Variants in LMX1B observed in about 807,000 individuals in gnomAD.
LMX1B encodes LIM homeobox transcription factor 1-beta.
Under a neutral mutation model 51.4 loss-of-function variants are expected in LMX1B, and 12 were observed. That is an observed-to-expected ratio of 0.23 (90% CI 0.15 to 0.38). The LOEUF (loss-of-function observed/expected upper bound fraction) is 0.38. Ranked by LOEUF, LMX1B falls within the 10% of genes least tolerant of loss-of-function variation. The pLI, the probability that LMX1B is intolerant of heterozygous loss-of-function variation, is 1.00. For missense variants in LMX1B, 445 were observed against 571.1 expected, an observed-to-expected ratio of 0.78 and a Z score of 2.25; for synonymous variants, 237 against 235.4, an observed-to-expected ratio of 1.01 and a Z score of -0.06.
In LMX1B at chr9:126,693,720, C is replaced by T. The variant is rs377439489; in HGVS notation, c.820-26C>T. The T allele has an allele frequency of 7.8e-4, 1,225 of 1,568,588 alleles. 2 individuals are homozygous for T. Among genetic ancestry groups the T allele is most frequent in the Non-Finnish European group, 9.5e-4 (1,100 of 1,157,724 alleles). The stretch of plus-strand genomic sequence containing the variant: ...TGTGCCTGGGGGCGAGGGGCAGCAC[C>T]GGCCTGAACTGCGCTCTCCCTGCAG... On this transcript the variant is annotated intron_variant, in intron 5 of 7. Coordinates refer to ENST00000373474, the MANE Select transcript of LMX1B (RefSeq NM_001174147.2).
At chr9:126,651,635 C>A (rs904266197) in intron 2 of LMX1B, among the ~76,000 whole-genome samples, 2 of 152,162 alleles carry the variant, frequency 1.3e-5, no homozygotes, top group African/African-American at 2.4e-5. Flanking sequence ...TGACCCCTCT[C>A]CCCTGGGCCC....
At chr9:126,652,675 A>C (rs1225429584) in intron 2 of LMX1B, among the ~76,000 whole-genome samples, 1 of 152,194 alleles carries the variant, frequency 6.6e-6, no homozygotes, top group Admixed American at 6.5e-5. Flanking sequence ...AGGGACTCAG[A>C]TCTGGGCCTG....
At chr9:126,634,368 C>T (rs1474364456) in intron 2 of LMX1B, among the ~76,000 whole-genome samples, 3 of 152,200 alleles carry the variant, frequency 2.0e-5, no homozygotes, top group Admixed American at 6.5e-5. Flanking sequence ...ACAGGCATTC[C>T]AGAAATACAT....
At position 126,695,829 on chromosome 9, in the gene LMX1B, G is replaced by T. The variant is rs2030306213; in HGVS notation, c.887-10G>T. On this transcript the variant is annotated splice_polypyrimidine_tract_variant and intron_variant, in intron 6 of 7. Coordinates refer to ENST00000373474, the MANE Select transcript of LMX1B (RefSeq NM_001174147.2). The surrounding 1 kb of genome is among the most constrained non-coding windows in gnomAD (Gnocchi z 5.2). Reference sequence around the variant, plus strand: ...CCAGGCCAGGGGGTGAAGGCTCACTGTGCCCCCAGAGGTCCTGTCCAGCCG... The same window carrying T: ...CCAGGCCAGGGGGTGAAGGCTCACTTTGCCCCCAGAGGTCCTGTCCAGCCG... The T allele has an allele frequency of 6.2e-7, 1 of 1,612,286 alleles. No homozygotes were observed. Among genetic ancestry groups the T allele is most frequent in the Admixed American group, 1.7e-5 (1 of 59,920 alleles).
rs1223615138 is a variant in LMX1B, at chr9:126,615,945, T to C, written c.326+376T>C. The stretch of plus-strand genomic sequence containing the variant: ...TTTTAGGGAGCCAGGCCTGGCGGAC[T>C]GCTTCAAGGGCCTGGTGTGTGGGGG... On this transcript the variant is annotated intron_variant, in intron 2 of 7. Transcript: ENST00000373474. The surrounding 1 kb of genome is among the most constrained non-coding windows in gnomAD (Gnocchi z 6.0). Among the ~76,000 whole-genome samples the C allele has an allele frequency of 1.3e-5, 2 of 152,194 alleles. No individual in the cohort carries two copies. Among genetic ancestry groups the C allele is most frequent in the Admixed American group, 1.3e-4 (2 of 15,288 alleles).
At chr9:126,629,837 A>G (rs1588268226) in intron 2 of LMX1B, among the ~76,000 whole-genome samples, 2 of 151,770 alleles carry the variant, frequency 1.3e-5, no homozygotes, top group African/African-American at 4.8e-5. Flanking sequence ...CTAGATCTTG[A>G]TGAGACTTCC....
At chr9:126,653,682 C>T (rs546950122) in intron 2 of LMX1B, among the ~76,000 whole-genome samples, 28 of 152,196 alleles carry the variant, frequency 1.8e-4, no homozygotes, top group African/African-American at 6.5e-4. Context: ...CACATGCGAA[C>T]GTTCCCGGAT....
intron 2 of LMX1B, among the ~76,000 whole-genome samples, chr9:126,632,267 G>C (rs909179366): frequency 7.9e-5 from 12 of 152,204 alleles, no homozygotes; most frequent in African/African-American, 2.9e-4. Context: ...CAAGAAGGCA[G>C]CAAGAGTGTG....
chr9:126,668,685 C>T (rs544801787), intron 2 of LMX1B, among the ~76,000 whole-genome samples: 2 of 152,222 alleles, frequency 1.3e-5, no homozygotes, highest in South Asian at 2.1e-4. Context: ...AACTCCTGAC[C>T]TCAGGTGATC....
chr9:126,638,744 C>T (rs990819820), intron 2 of LMX1B, among the ~76,000 whole-genome samples: 1 of 152,170 alleles, frequency 6.6e-6, no homozygotes, highest in African/African-American at 2.4e-5. Context: ...CCGATCTCTC[C>T]CGGGGGAGCC....
At chr9:126,647,128 G>C (rs1265108577) in intron 2 of LMX1B, among the ~76,000 whole-genome samples, 1 of 152,074 alleles carries the variant, frequency 6.6e-6, no homozygotes, top group Admixed American at 6.5e-5. Context: ...CTTGAGCCCA[G>C]GAGTTCAAGT....
chr9:126,661,327 CA>C (rs1168235626), intron 2 of LMX1B, among the ~76,000 whole-genome samples: 4 of 136,886 alleles, frequency 2.9e-5, no homozygotes, highest in South Asian at 2.5e-4. Flanking sequence ...TGGCCCCCTT[CA>C]AGGCCCTGTT....
Position 126,625,505 on chromosome 9 carries a change from TGCCAG to T in LMX1B, c.326+9939_326+9943del, listed in dbSNP as rs1232052667. Among the ~76,000 whole-genome samples, 4 of 152,342 alleles carry T rather than the reference TGCCAG, an allele frequency of 2.6e-5. No homozygotes were observed. In the East Asian group the frequency reaches 7.7e-4, roughly 29 times the overall value. On this transcript the variant is annotated intron_variant, in intron 2 of 7. Coordinates refer to ENST00000373474, the MANE Select transcript of LMX1B (RefSeq NM_001174147.2). The surrounding 1 kb of genome is among the most constrained non-coding windows in gnomAD (Gnocchi z 5.3). ...CCAGAAGAGAGAGGCCGAATGGAGA[TGCCAG>T]GCTGGGGCCCTCGGCGGGGCAGATT...
At chr9:126,672,341 C>CTCTA (rs1456715225) in intron 2 of LMX1B, among the ~76,000 whole-genome samples, 1 of 152,250 alleles carries the variant, frequency 6.6e-6, no homozygotes, top group African/African-American at 2.4e-5. Flanking sequence ...CCCTCACAGG[C>CTCTA]TCTAGGTGAA....
intron 2 of LMX1B, among the ~76,000 whole-genome samples, chr9:126,682,728 C>A (rs1316961547): frequency 9.9e-5 from 15 of 152,086 alleles, no homozygotes; most frequent in African/African-American, 3.6e-4. Flanking sequence ...AACCCCATCT[C>A]TACTAAAAAT....
intron 2 of LMX1B, among the ~76,000 whole-genome samples, chr9:126,675,947 G>C (rs1193832318): frequency 6.7e-6 from 1 of 149,456 alleles, no homozygotes; most frequent in Admixed American, 6.7e-5. Flanking sequence ...TACTCGGGAG[G>C]CTGAGGCAGG....
At chr9:126,679,965 T>C (rs903491609) in intron 2 of LMX1B, among the ~76,000 whole-genome samples, 2 of 152,236 alleles carry the variant, frequency 1.3e-5, no homozygotes, top group Non-Finnish European at 2.9e-5. Flanking sequence ...AGTTTGAATG[T>C]CTTCAGACTG....
chr9:126,697,836 ACT>A lies in LMX1B; in HGVS notation c.*1386_*1387del, dbSNP rs2030395437. On this transcript the variant is annotated 3_prime_UTR_variant, in exon 8 of 8. Transcript: ENST00000373474. The stretch of plus-strand genomic sequence containing the variant: ...GTGTATATGCAGGATGGGGGCACCT[ACT>A]GTTTTGTTTTGTTTTGTTTTGTTTT... The A allele has an allele frequency of 7.1e-6, 1 of 140,166 alleles. No homozygotes were observed. The highest frequency in any genetic ancestry group is 2.8e-5 in the African/African-American group (1 of 35,464). 8.7% of individuals were successfully genotyped at this position (140,166 alleles called of 1,614,324 possible).
chr9:126,676,473 G>A (rs1402094343), intron 2 of LMX1B, among the ~76,000 whole-genome samples: 1 of 152,218 alleles, frequency 6.6e-6, no homozygotes, highest in African/African-American at 2.4e-5. Flanking sequence ...AGGAAGAGGA[G>A]GATACCCTGG....
Sources: gnomAD v4.1 joint callset for allele counts (sites outside exome capture counted in the v4.1 genomes callset) on GRCh38, gnomAD v4.1.1 for gene constraint, Gnocchi (gnomAD v3.1) non-coding constraint, MANE v1.5 for transcripts, NCBI Gene and HGNC (gene_info 2026-07-23, HGNC 2026-07-21) for gene names.